SRGAP3: variants seen among roughly 807,000 people sequenced by gnomAD.
SRGAP3 encodes the protein SLIT-ROBO Rho GTPase activating protein 3.
Under a neutral mutation model 121.1 loss-of-function variants are expected in SRGAP3, and 39 were observed. That is an observed-to-expected ratio of 0.32 (90% CI 0.25 to 0.42). The LOEUF (loss-of-function observed/expected upper bound fraction) is 0.42. SRGAP3 is among the 10% of genes least tolerant of loss of function. The pLI is 1.00. For missense variants in SRGAP3, 1,213 were observed against 1,470.6 expected, an observed-to-expected ratio of 0.82 and a Z score of 2.86; for synonymous variants, 601 against 570.0, an observed-to-expected ratio of 1.05 and a Z score of -0.77.
intron 12 of SRGAP3, among the ~76,000 whole-genome samples, 193 bp downstream of exon 12, chr3:9,032,457 T>C (rs1289287896): frequency 6.6e-6 from 1 of 152,154 alleles, no homozygotes; most frequent in Non-Finnish European, 1.5e-5. Flanking sequence ...GCAGGGCACT[T>C]AGGAGCAAAT....
chr3:9,231,079 T>C (rs1953192634), intron 1 of SRGAP3, among the ~76,000 whole-genome samples: 1 of 152,046 alleles, frequency 6.6e-6, no homozygotes, highest in African/African-American at 2.4e-5. Flanking sequence ...AGATAATCCT[T>C]CCAGCTTTGT....
chr3:9,019,505 C>T (rs569566192), intron 14 of SRGAP3, among the ~76,000 whole-genome samples: 44 of 152,304 alleles, frequency 2.9e-4, no homozygotes, highest in Middle Eastern at 3.4e-3. Flanking sequence ...AAGGCAGCAG[C>T]GAGCCTTCTG....
At chr3:9,010,131 C>A (rs555527801) in intron 18 of SRGAP3, among the ~76,000 whole-genome samples, 177 bp downstream of exon 18, 1 of 152,322 alleles carries the variant, frequency 6.6e-6, no homozygotes, top group South Asian at 2.1e-4. Context: ...CAGGCCCATG[C>A]CAGGACTTGG....
intron 12 of SRGAP3, among the ~76,000 whole-genome samples, chr3:9,028,619 T>G (rs950030442): frequency 6.6e-6 from 1 of 152,174 alleles, no homozygotes; most frequent in Non-Finnish European, 1.5e-5. Flanking sequence ...CAAGAAACAT[T>G]CTTGGTGAAA....
At chr3:8,989,849 C>T (rs932802805) in intron 21 of SRGAP3, among the ~76,000 whole-genome samples, 3 of 152,232 alleles carry the variant, frequency 2.0e-5, no homozygotes, top group Non-Finnish European at 2.9e-5. Flanking sequence ...CTTGCAGCTT[C>T]GGCTATTTAG....
At chr3:9,118,165 G>T (rs139777310) in intron 2 of SRGAP3, among the ~76,000 whole-genome samples, 1 of 152,144 alleles carries the variant, frequency 6.6e-6, no homozygotes, top group Non-Finnish European at 1.5e-5. Context: ...AATAAATAGG[G>T]AGAGGGAATC....
chr3:9,178,269 AAAAAAT>A (rs1280130971), intron 1 of SRGAP3, among the ~76,000 whole-genome samples: 2 of 152,032 alleles, frequency 1.3e-5, no homozygotes, highest in Admixed American at 6.6e-5. Context: ...CCTGTCTCAA[AAAAAAT>A]AAAAATAAAA....
chr3:9,004,469 T>G (rs537596911), intron 18 of SRGAP3, among the ~76,000 whole-genome samples: 4 of 152,278 alleles, frequency 2.6e-5, no homozygotes, highest in South Asian at 2.1e-4. Context: ...CAAAACAATC[T>G]TGAAAACGAA....
intron 14 of SRGAP3, among the ~76,000 whole-genome samples, chr3:9,022,807 G>T (rs1448890544): frequency 6.6e-6 from 1 of 152,212 alleles, no homozygotes. Context: ...ACGATGGGAA[G>T]AGGGAGTGAG....
chr3:9,073,186 C>T (rs1946799859), intron 4 of SRGAP3, among the ~76,000 whole-genome samples: 2 of 152,214 alleles, frequency 1.3e-5, no homozygotes, highest in African/African-American at 4.8e-5. Flanking sequence ...CTCTGTCCCC[C>T]AGGCTGGAGT....
chr3:9,222,850 G>C (rs1028104890), intron 1 of SRGAP3, among the ~76,000 whole-genome samples: 2 of 152,166 alleles, frequency 1.3e-5, no homozygotes, highest in Non-Finnish European at 2.9e-5. Context: ...TCCGCTTCTT[G>C]TACTCCAAAA....
chr3:9,154,460 T>G (rs960831363), intron 1 of SRGAP3, among the ~76,000 whole-genome samples: 24 of 149,702 alleles, frequency 1.6e-4, no homozygotes, highest in African/African-American at 5.9e-4. Context: ...CCCCATCAAG[T>G]TCACCATTTC....
chr3:9,258,515 C>G (rs1177268171), intron 3 of SRGAP3, among the ~76,000 whole-genome samples: 3 of 152,142 alleles, frequency 2.0e-5, no homozygotes, highest in Non-Finnish European at 4.4e-5. Flanking sequence ...GAAGGTGACT[C>G]TAGTGGCAGT....
chr3:9,262,865 G>A (rs932285776), intron 3 of SRGAP3, among the ~76,000 whole-genome samples: 1 of 152,150 alleles, frequency 6.6e-6, no homozygotes, highest in African/African-American at 2.4e-5. Context: ...TTTGGACCAA[G>A]TGGGCCTAAT....
intron 11 of SRGAP3, 167 bp downstream of exon 11, chr3:9,037,895 CA>C: frequency 1.1e-6 from 1 of 879,272 alleles, no homozygotes; most frequent in South Asian, 1.5e-5. Context: ...AATGCTAGAA[CA>C]AGCAAAGCAG....
At chr3:9,148,973 T>C (rs1950117864) in intron 1 of SRGAP3, among the ~76,000 whole-genome samples, 1 of 151,990 alleles carries the variant, frequency 6.6e-6, no homozygotes, top group South Asian at 2.1e-4. Context: ...ACCAGCACTT[T>C]GGGAGGCTGA....
chr3:9,305,368 T>C (rs974221701), intron 3 of SRGAP3, among the ~76,000 whole-genome samples: 2 of 151,372 alleles, frequency 1.3e-5, no homozygotes, highest in African/African-American at 4.8e-5. Flanking sequence ...CCTCTCTTTT[T>C]TTTTTTTTTT....
intron 3 of SRGAP3, among the ~76,000 whole-genome samples, chr3:9,277,724 T>C (rs1260665608): frequency 6.6e-6 from 1 of 151,232 alleles, no homozygotes; most frequent in Non-Finnish European, 1.5e-5. Context: ...AAGGTTGCAG[T>C]GAGTTGAGAT....
At chr3:9,059,335 A>C (rs1946002769) in intron 6 of SRGAP3, 1 of 151,412 alleles carries the variant, frequency 6.6e-6, no homozygotes, top group Non-Finnish European at 1.5e-5. Context: ...AGGGGCTGAA[A>C]GGGCAAAAAA....
Sources: allele counts gnomAD v4.1 joint callset (sites outside exome capture counted in the v4.1 genomes callset), GRCh38; gene constraint gnomAD v4.1.1; transcripts MANE v1.5; gene names NCBI Gene and HGNC (gene_info 2026-07-23, HGNC 2026-07-21).